IREB2: variants seen among roughly 807,000 people sequenced by gnomAD.
IREB2 encodes the protein iron responsive element binding protein 2, also known as iron-responsive element-binding protein 2.
Under a neutral mutation model 118.8 loss-of-function variants are expected in IREB2, and 39 were observed. That is an observed-to-expected ratio of 0.33 (90% CI 0.25 to 0.43). The LOEUF (loss-of-function observed/expected upper bound fraction) is 0.43. Ranked by LOEUF, IREB2 falls within the 20% of genes least tolerant of loss-of-function variation. The pLI is 1.00. For missense variants in IREB2, 900 were observed against 1,147.3 expected (o/e 0.78, Z 3.11); for synonymous variants, 372 against 392.2 (o/e 0.95, Z 0.61).
At chr15:78,494,294 G>A (rs745711082) in intron 20 of IREB2, 30 bp downstream of exon 20, 1 of 1,599,736 alleles carries the variant, frequency 6.3e-7, no homozygotes, top group Non-Finnish European at 8.5e-7. Context: ...ATCATCTTAA[G>A]CTTCAAAGAG....
chr15:78,473,499 A>C (rs2141492283), intron 8 of IREB2, 118 bp downstream of exon 8: 1 of 707,316 alleles, frequency 1.4e-6, no homozygotes, highest in East Asian at 2.6e-5. Context: ...TCTTGACGTT[A>C]GCCACATCAT....
chr15:78,465,154 G>T lies in IREB2; in HGVS notation c.273-97G>T, dbSNP rs1036877211. On this transcript the variant is annotated intron_variant, in intron 3 of 21. Coordinates refer to ENST00000258886, the MANE Select transcript of IREB2 (RefSeq NM_004136.4). ...GAAAAATGAATGTAAACTAGACAGG[G>T]ATACTTTTTAAAATATGAAAATGAA... The T allele has an allele frequency of 3.2e-6, 3 of 931,206 alleles. No homozygotes were observed. The African/African-American group carries it at 5.0e-5, about 16-fold the overall frequency. The allele number at this position is 931,206 out of a possible 1,614,324, so 57.7% of individuals were successfully genotyped here. A position where few individuals can be genotyped will look rare whatever the true frequency, so the allele number is the denominator to read the frequency against.
chr15:78,440,470 C>A (rs1428458776), intron 2 of IREB2, among the ~76,000 whole-genome samples: 1 of 151,978 alleles, frequency 6.6e-6, no homozygotes, highest in Non-Finnish European at 1.5e-5. Context: ...TAAAGCAGTC[C>A]TGCCTCTGCC....
chr15:78,465,999 C>G (rs991599090), intron 4 of IREB2, among the ~76,000 whole-genome samples: 1 of 152,112 alleles, frequency 6.6e-6, no homozygotes, highest in Non-Finnish European at 1.5e-5. Flanking sequence ...TCAGTACTTG[C>G]TAAAAGTTAT....
chr15:78,439,772 T>C (rs759990555), intron 1 of IREB2, 23 bp from the exon 2 acceptor site: 2 of 1,363,714 alleles, frequency 1.5e-6, no homozygotes, highest in South Asian at 1.3e-5. Flanking sequence ...CTGCATTTAA[T>C]GAAAATACAA....
intron 13 of IREB2, among the ~76,000 whole-genome samples, chr15:78,486,565 G>T (rs539827571): frequency 6.6e-6 from 1 of 151,932 alleles, no homozygotes; most frequent in Admixed American, 6.6e-5. Flanking sequence ...AGATCGTGCC[G>T]CTGCACTCCA....
chr15:78,463,652 T>C (rs2051234713), intron 3 of IREB2, among the ~76,000 whole-genome samples: 1 of 152,220 alleles, frequency 6.6e-6, no homozygotes, highest in African/African-American at 2.4e-5. Flanking sequence ...TTATGATCTC[T>C]CAATAGGTTT....
intron 3 of IREB2, 82 bp from the exon 4 acceptor site, chr15:78,465,169 A>G (rs2051259976): frequency 8.9e-7 from 1 of 1,126,990 alleles, no homozygotes. Context: ...TTTTTAAAAT[A>G]TGAAAATGAA....
intron 6 of IREB2, chr15:78,470,882 A>G (rs529283630): frequency 7.6e-4 from 150 of 198,160 alleles, no homozygotes; most frequent in Non-Finnish European, 1.4e-3. Flanking sequence ...TTTAGTAGAG[A>G]TAGGTTTTCA....
At chr15:78,460,835 T>C (rs568526527) in intron 2 of IREB2, among the ~76,000 whole-genome samples, 1 of 152,292 alleles carries the variant, frequency 6.6e-6, no homozygotes, top group Non-Finnish European at 1.5e-5. Flanking sequence ...TTTCCAGATT[T>C]TAAAAATAAG....
intron 2 of IREB2, among the ~76,000 whole-genome samples, chr15:78,446,252 T>C (rs911834044): frequency 6.6e-6 from 1 of 152,210 alleles, no homozygotes; most frequent in Non-Finnish European, 1.5e-5. Context: ...GTACACATAG[T>C]ACATAACTTT....
chr15:78,455,925 G>A (rs2051097647), intron 2 of IREB2, among the ~76,000 whole-genome samples: 1 of 152,214 alleles, frequency 6.6e-6, no homozygotes, highest in South Asian at 2.1e-4. Flanking sequence ...TGGCTGACAG[G>A]CTGGCGCTCC....
At chr15:78,495,668 T>C (rs1235837200) in intron 20 of IREB2, among the ~76,000 whole-genome samples, 1 of 152,210 alleles carries the variant, frequency 6.6e-6, no homozygotes, top group Non-Finnish European at 1.5e-5. Context: ...ATGTATTCTC[T>C]TCCTTATTTC....
At chr15:78,475,481 T>C (rs1424458290) in intron 8 of IREB2, 1 of 152,220 alleles carries the variant, frequency 6.6e-6, no homozygotes, top group Non-Finnish European at 1.5e-5. Flanking sequence ...TATTTAAATA[T>C]ACAGTTTCAT....
Position 78,494,070 on chromosome 15 carries a change from C to G in IREB2, c.2472+14C>G, listed in dbSNP as rs746215077. 2 of 1,613,480 alleles carry G rather than the reference C, an allele frequency of 1.2e-6. No individual in the cohort carries two copies. The highest frequency in any genetic ancestry group is 4.5e-5 in the East Asian group (2 of 44,846). ...TCAGGACAGACGGTGAGAATGCAAA[C>G]AAAGTATTTAGACAATTTATAACTG... is the stretch of plus-strand genomic sequence containing the variant. On this transcript the variant is annotated intron_variant, in intron 19 of 21. Coordinates refer to ENST00000258886, the MANE Select transcript of IREB2 (RefSeq NM_004136.4).
At chr15:78,494,350 T>G in intron 20 of IREB2, 86 bp downstream of exon 20, 1 of 1,372,662 alleles carries the variant, frequency 7.3e-7, no homozygotes, top group South Asian at 1.3e-5. Flanking sequence ...AAAGTTTATC[T>G]GGATTTTTTA....
chr15:78,467,724 T>C (rs1192305757), intron 5 of IREB2, among the ~76,000 whole-genome samples: 1 of 152,140 alleles, frequency 6.6e-6, no homozygotes, highest in African/African-American at 2.4e-5. Flanking sequence ...TTTTAAAATA[T>C]GTACTATAAA....
In IREB2 at chr15:78,499,889, T is replaced by G; in HGVS notation, c.*1746T>G. 6.6e-6 allele frequency: 1 copy of G among 152,404 alleles called. No individual in the cohort carries two copies. The highest frequency in any genetic ancestry group is 1.5e-5 in the Non-Finnish European group (1 of 68,210). The allele number at this position is 152,404 out of a possible 1,614,324, so 9.4% of individuals were successfully genotyped here. ...TGTTTTTTGAGACGGAGTCTTGCCC[T>G]GTGGCTGGGCTGGAGTGCAATGGCG... On this transcript the variant is annotated 3_prime_UTR_variant, in exon 22 of 22. Coordinates refer to ENST00000258886, the MANE Select transcript of IREB2 (RefSeq NM_004136.4).
intron 20 of IREB2, among the ~76,000 whole-genome samples, chr15:78,494,953 T>C (rs939212717): frequency 6.6e-6 from 1 of 152,222 alleles, no homozygotes; most frequent in African/African-American, 2.4e-5. Flanking sequence ...TCAGAAGTAG[T>C]AGGCCAAGTT....
Sources: gnomAD v4.1 joint callset for allele counts (sites outside exome capture counted in the v4.1 genomes callset) on GRCh38, gnomAD v4.1.1 for gene constraint, MANE v1.5 for transcripts, NCBI Gene and HGNC (gene_info 2026-07-23, HGNC 2026-07-21) for gene names.